The following METAP1D variants were observed in gnomAD, a reference collection of about 807,000 sequenced individuals.
The protein encoded by METAP1D is methionine aminopeptidase 1D, mitochondrial.
Under a neutral mutation model 40.5 loss-of-function variants are expected in METAP1D, and 31 were observed. That is an observed-to-expected ratio of 0.77 (90% CI 0.58 to 1.03). The LOEUF (loss-of-function observed/expected upper bound fraction) is 1.03, where lower values mean the gene tolerates loss of function less well. Ranked by LOEUF, METAP1D falls within the 50% of genes least tolerant of loss-of-function variation. The pLI, the probability that METAP1D is intolerant of heterozygous loss-of-function variation, is 0.00. For synonymous variants in METAP1D, 151 were observed against 146.4 expected (o/e 1.03, Z -0.22); for missense variants, 411 against 420.7 (o/e 0.98, Z 0.20).
At position 172,004,300 on chromosome 2, in the gene METAP1D, G is replaced by C. The variant is rs564341814; in HGVS notation, c.40+4291G>C. Among the ~76,000 whole-genome samples, 53 of 151,846 alleles carry C rather than the reference G, an allele frequency of 3.5e-4. 1 individual carries two copies. The East Asian group carries it at 0.01, about 29-fold the overall frequency. The stretch of plus-strand genomic sequence containing the variant: ...GTATAGCTTCTGCAGGAAAATGTCT[G>C]CTCAGTTTTGCCAAACCAACTTTTC... On this transcript the variant is annotated intron_variant, in intron 1 of 9. Coordinates refer to ENST00000315796, the MANE Select transcript of METAP1D (RefSeq NM_199227.3).
intron 1 of METAP1D, among the ~76,000 whole-genome samples, chr2:172,037,274 A>G (rs78232440): frequency 4.0e-5 from 6 of 151,656 alleles, no homozygotes; most frequent in Non-Finnish European, 7.4e-5. Flanking sequence ...AGAAAAAAAA[A>G]AAGTCTAGGT....
At chr2:172,055,028 C>T (rs980941387) in intron 1 of METAP1D, among the ~76,000 whole-genome samples, 2 of 152,204 alleles carry the variant, frequency 1.3e-5, no homozygotes, top group African/African-American at 4.8e-5. Flanking sequence ...TAGTATAAAG[C>T]AACTCCTCAC....
chr2:172,033,037 C>T (rs575234770), intron 1 of METAP1D, among the ~76,000 whole-genome samples: 16 of 151,282 alleles, frequency 1.1e-4, no homozygotes, highest in Admixed American at 4.0e-4. Flanking sequence ...CCAGCCTGGG[C>T]GACAGAGCAA....
chr2:172,024,762 G>GTGTGTGTA (rs1553491382), intron 1 of METAP1D, among the ~76,000 whole-genome samples: 34,150 of 150,196 alleles, frequency 0.23, 3,903 homozygotes, highest in African/African-American at 0.24. Flanking sequence ...GTGTGTGTGT[G>GTGTGTGTA]TGTGTGTGTG....
intron 1 of METAP1D, among the ~76,000 whole-genome samples, chr2:172,011,064 A>G (rs1334636864): frequency 6.7e-6 from 1 of 148,782 alleles, no homozygotes; most frequent in Non-Finnish European, 1.5e-5. Flanking sequence ...CTGTCTGTTC[A>G]ATCTTAACAG....
intron 1 of METAP1D, among the ~76,000 whole-genome samples, chr2:172,050,886 C>T (rs957847443): frequency 1.3e-5 from 2 of 152,156 alleles, no homozygotes; most frequent in Non-Finnish European, 2.9e-5. Flanking sequence ...ATTTTAACCA[C>T]GGCCCTAATA....
intron 1 of METAP1D, among the ~76,000 whole-genome samples, chr2:172,034,213 T>C (rs1325313757): frequency 1.3e-5 from 2 of 152,172 alleles, no homozygotes; most frequent in African/African-American, 4.8e-5. Context: ...TGAAACAAGA[T>C]TGGCCATCTA....
chr2:172,059,233 C>T (rs973439342), intron 1 of METAP1D, among the ~76,000 whole-genome samples: 1 of 151,840 alleles, frequency 6.6e-6, no homozygotes, highest in African/African-American at 2.4e-5. Context: ...CTTAGCCTCC[C>T]GAGTAGCTGG....
In METAP1D at chr2:172,074,249, G is replaced by A. The variant is rs185927728; in HGVS notation, c.704+3179G>A. On this transcript the variant is annotated intron_variant, in intron 6 of 9. Transcript: ENST00000315796. Reference sequence around the variant, plus strand: ...AATAATTTAAACTTGTAAATGTCATGATGAAAGTATCAATAAATGGTTTTT... The same window carrying A: ...AATAATTTAAACTTGTAAATGTCATAATGAAAGTATCAATAAATGGTTTTT... Among the ~76,000 whole-genome samples, 503 of 152,256 alleles carry A rather than the reference G, an allele frequency of 3.3e-3. 4 individuals carry two copies. The highest frequency in any genetic ancestry group is 0.022 in the South Asian group (108 of 4,828).
Position 172,044,751 on chromosome 2 carries a change from A to G in METAP1D, c.41-16747A>G, listed in dbSNP as rs527921402. On this transcript the variant is annotated intron_variant, in intron 1 of 9. Coordinates refer to ENST00000315796, the MANE Select transcript of METAP1D (RefSeq NM_199227.3). ...GCGAAACCCCATTTCTACTTAAAAT[A>G]CAAAATTAGCTGGTCGTGGTGGCAC... is the stretch of plus-strand genomic sequence containing the variant. Among the ~76,000 whole-genome samples, 2 of 134,402 alleles carry G rather than the reference A, an allele frequency of 1.5e-5. 1 individual carries two copies. The highest frequency in any genetic ancestry group is 4.8e-4 in the South Asian group (2 of 4,176). 88.2% of individuals were successfully genotyped at this position (134,402 alleles called of 152,430 possible). A position where few individuals can be genotyped will look rare whatever the true frequency, so the allele number is the denominator to read the frequency against.
intron 1 of METAP1D, among the ~76,000 whole-genome samples, chr2:172,024,852 A>T (rs951278962): frequency 6.6e-6 from 1 of 152,010 alleles, no homozygotes; most frequent in Non-Finnish European, 1.5e-5. Flanking sequence ...AACTTTTAAA[A>T]GCTAATGATA....
rs957181580 is a variant in METAP1D, at chr2:172,029,938, T to C, written c.40+29929T>C. On this transcript the variant is annotated intron_variant, in intron 1 of 9. Transcript: ENST00000315796. ...ATCCAGCTAATTTTTGTATTTTTAG[T>C]AGAGATGGGGTTTCACTATGTTGGC... 5.3e-5 allele frequency among the ~76,000 whole-genome samples: 8 copies of C among 152,080 alleles called. No homozygotes were observed. In the South Asian group the frequency reaches 8.3e-4, roughly 16 times the overall value.
At chr2:172,017,500 G>A (rs923557047) in intron 1 of METAP1D, among the ~76,000 whole-genome samples, 1 of 151,896 alleles carries the variant, frequency 6.6e-6, no homozygotes, top group Admixed American at 6.6e-5. Flanking sequence ...CTCAGGGTAA[G>A]GACTGTGCTT....
intron 1 of METAP1D, among the ~76,000 whole-genome samples, chr2:172,016,138 C>T (rs369616375): frequency 2.1e-5 from 3 of 144,920 alleles, no homozygotes; most frequent in Middle Eastern, 3.4e-3. Context: ...TAGCTGGGCG[C>T]GGTCACATGT....
chr2:172,016,415 C>T (rs1334605750), intron 1 of METAP1D, among the ~76,000 whole-genome samples: 2 of 142,382 alleles, frequency 1.4e-5, no homozygotes, highest in East Asian at 2.1e-4. Flanking sequence ...CCCAGAAGTT[C>T]GAGACCAGCC....
intron 1 of METAP1D, among the ~76,000 whole-genome samples, chr2:172,031,408 A>G (rs1689239849): frequency 6.6e-6 from 1 of 152,188 alleles, no homozygotes; most frequent in Non-Finnish European, 1.5e-5. Context: ...TTTAGGTTGT[A>G]GGAAAGGTGG....
intron 3 of METAP1D, among the ~76,000 whole-genome samples, chr2:172,065,312 A>G (rs1200395841): frequency 6.6e-6 from 1 of 152,224 alleles, no homozygotes; most frequent in Non-Finnish European, 1.5e-5. Flanking sequence ...TGAAATCCTC[A>G]GGCCAAAAGG....
chr2:172,057,180 A>T (rs753229992), intron 1 of METAP1D, among the ~76,000 whole-genome samples: 53 of 152,334 alleles, frequency 3.5e-4, no homozygotes, highest in Non-Finnish European at 6.2e-4. Flanking sequence ...TAAAGCAGTG[A>T]TGTTAACAGC....
In METAP1D at chr2:172,080,348, C is replaced by T; in HGVS notation, c.950C>T (p.Thr317Met). The change falls in exon 10 of 10, where the codon ACG becomes ATG. Residue 317 changes from threonine (T) to methionine (M), a missense_variant. Coordinates refer to ENST00000315796, the MANE Select transcript of METAP1D (RefSeq NM_199227.3). ...DNQRSAQFEH[T>M]VLITSRGAQI... ...TACAGGTCGGCGCAGTTCGAGCACA[C>T]GGTTCTGATCACGTCGAGGGGCGCG... The T allele has an allele frequency of 1.2e-6, 2 of 1,614,080 alleles. No individual in the cohort carries two copies. The highest frequency in any genetic ancestry group is 1.7e-5 in the Admixed American group (1 of 60,022).
Sources: gnomAD v4.1 joint callset for allele counts (sites outside exome capture counted in the v4.1 genomes callset) on GRCh38, gnomAD v4.1.1 for gene constraint, MANE v1.5 for transcripts, NCBI Gene and HGNC (gene_info 2026-07-23, HGNC 2026-07-21) for gene names.